The following PRELID2 variants were observed in gnomAD, a reference collection of about 807,000 sequenced individuals.
PRELID2 encodes the protein PRELI domain-containing protein 2.
A neutral mutation model predicts 28.4 loss-of-function variants in PRELID2; 25 were observed. The observed-to-expected ratio is 0.88, with a 90% CI of 0.64 to 1.23. The LOEUF (loss-of-function observed/expected upper bound fraction) is 1.23. Among genes scored for constraint, PRELID2 ranks in the 50% most tolerant of loss-of-function variants. The pLI is 0.00. For synonymous variants in PRELID2, 76 were observed against 71.6 expected (o/e 1.06, Z -0.31); for missense variants, 201 against 214.4 (o/e 0.94, Z 0.39).
At chr5:145,525,850 A>C (rs1218046980) in intron 1 of PRELID2, among the ~76,000 whole-genome samples, 6 of 152,184 alleles carry the variant, frequency 3.9e-5, no homozygotes, top group Non-Finnish European at 2.9e-5. Flanking sequence ...CTAAAAACTG[A>C]CTTGAGGCCA....
the PRELID2 span, among the ~76,000 whole-genome samples, chr5:145,330,635 T>A: frequency 6.6e-6 from 1 of 152,176 alleles, no homozygotes; most frequent in Non-Finnish European, 1.5e-5. Flanking sequence ...TTTATCATCT[T>A]TTATTTTGTC....
chr5:145,802,904 G>A (rs1290468409), intron 4 of PRELID2, among the ~76,000 whole-genome samples: 3 of 152,154 alleles, frequency 2.0e-5, no homozygotes, highest in South Asian at 2.1e-4. Flanking sequence ...CCCAGAGCAC[G>A]CAGTCACCAG....
At chr5:145,238,421 G>T in the PRELID2 span, among the ~76,000 whole-genome samples, 1 of 152,000 alleles carries the variant, frequency 6.6e-6, no homozygotes, top group Non-Finnish European at 1.5e-5. Context: ...TCGATTTCAG[G>T]ACGTTCTATG....
rs1292545163 is a variant in PRELID2 at position 145,757,801 on chromosome 5, CA to C, written c.*2734del. On this transcript the variant is annotated 3_prime_UTR_variant, in exon 7 of 7. Coordinates refer to ENST00000683046, the MANE Select transcript of PRELID2 (RefSeq NM_205846.3). ...TGATAAACATAGTGAGACCCTATCT[CA>C]AAAAAAAGTAAATGAAAAAAAAAAA... Among the ~76,000 whole-genome samples the C allele has an allele frequency of 3.3e-5, 2 of 59,910 alleles. No individual in the cohort carries two copies. Among genetic ancestry groups the C allele is most frequent in the Non-Finnish European group, 6.4e-5 (2 of 31,442 alleles). 39.3% of individuals were successfully genotyped at this position (59,910 alleles called of 152,430 possible).
the PRELID2 span, among the ~76,000 whole-genome samples, chr5:145,416,246 C>T: frequency 0.41 from 62,219 of 151,528 alleles, 13,129 homozygotes; most frequent in Admixed American, 0.48. Context: ...CCCTTCCTTA[C>T]ACCTTATACA....
At chr5:145,728,627 T>G (rs771363619) in intron 1 of PRELID2, 67 of 1,163,066 alleles carry the variant, frequency 5.8e-5, no homozygotes, top group Non-Finnish European at 8.3e-5. Flanking sequence ...CATTATAGAC[T>G]CCATAACGAA....
At chr5:145,353,293 A>C in the PRELID2 span, among the ~76,000 whole-genome samples, 110 of 151,930 alleles carry the variant, frequency 7.2e-4, no homozygotes, top group African/African-American at 2.4e-3. Flanking sequence ...TTCTACTAAA[A>C]ACACACACAC....
the PRELID2 span, among the ~76,000 whole-genome samples, chr5:145,351,011 G>A: frequency 6.6e-6 from 1 of 151,880 alleles, no homozygotes; most frequent in African/African-American, 2.4e-5. Context: ...TAAATATTTG[G>A]GATATTTAGG....
At chr5:145,648,288 G>T (rs1398566376) in intron 1 of PRELID2, among the ~76,000 whole-genome samples, 1 of 152,036 alleles carries the variant, frequency 6.6e-6, no homozygotes. Flanking sequence ...TTTTTAAAGT[G>T]GACTACAGTG....
intron 4 of PRELID2, among the ~76,000 whole-genome samples, chr5:145,802,989 G>C (rs1176097344): frequency 6.6e-6 from 1 of 152,128 alleles, no homozygotes; most frequent in Non-Finnish European, 1.5e-5. Context: ...ATTATTGACT[G>C]GTTAGGTATG....
chr5:145,769,207 TTTA>T (rs1339417407), intron 5 of PRELID2, among the ~76,000 whole-genome samples: 1 of 152,214 alleles, frequency 6.6e-6, no homozygotes, highest in Non-Finnish European at 1.5e-5. Context: ...CCAGCTTGAT[TTTA>T]TTATTTCTTT....
intron 1 of PRELID2, among the ~76,000 whole-genome samples, chr5:145,600,541 AG>A (rs548409164): frequency 8.0e-4 from 121 of 151,640 alleles, no homozygotes; most frequent in African/African-American, 2.9e-3. Context: ...TATTAAGCCA[AG>A]GACCCAAGAT....
At chr5:145,661,401 A>C (rs1295318114) in intron 1 of PRELID2, among the ~76,000 whole-genome samples, 2 of 152,126 alleles carry the variant, frequency 1.3e-5, no homozygotes, top group Non-Finnish European at 2.9e-5. Context: ...TATAAATTAG[A>C]ACAGATGTGA....
intron 1 of PRELID2, among the ~76,000 whole-genome samples, chr5:145,547,547 T>A (rs1241263897): frequency 6.6e-6 from 1 of 152,222 alleles, no homozygotes; most frequent in Non-Finnish European, 1.5e-5. Context: ...AAGTATTTAT[T>A]TCTTTTTCAG....
chr5:145,464,051 A>G, the PRELID2 span, among the ~76,000 whole-genome samples: 1 of 152,130 alleles, frequency 6.6e-6, no homozygotes, highest in African/African-American at 2.4e-5. Flanking sequence ...AAAGTCAAGT[A>G]CCCCAATGAC....
intron 4 of PRELID2, among the ~76,000 whole-genome samples, chr5:145,802,906 A>C (rs565880329): frequency 2.6e-5 from 4 of 152,332 alleles, no homozygotes; most frequent in African/African-American, 9.6e-5. Context: ...CAGAGCACGC[A>C]GTCACCAGTG....
chr5:145,700,238 T>C (rs1192805061), intron 1 of PRELID2, among the ~76,000 whole-genome samples: 1 of 151,934 alleles, frequency 6.6e-6, no homozygotes, highest in East Asian at 1.9e-4. Context: ...CCTGTAATGA[T>C]TTTAGGACCC....
the PRELID2 span, among the ~76,000 whole-genome samples, chr5:145,231,847 G>A: frequency 2.0e-5 from 3 of 152,110 alleles, no homozygotes; most frequent in African/African-American, 7.2e-5. Context: ...GTCAAACTCT[G>A]CTAAATATTC....
intron 1 of PRELID2, among the ~76,000 whole-genome samples, chr5:145,625,554 A>G (rs1753834207): frequency 6.6e-6 from 1 of 152,184 alleles, no homozygotes; most frequent in Admixed American, 6.5e-5. Context: ...TTAAATTCCA[A>G]TAAAAATCCA....
Sources: gnomAD v4.1 joint callset for allele counts (sites outside exome capture counted in the v4.1 genomes callset) on GRCh38, gnomAD v4.1.1 for gene constraint, MANE v1.5 for transcripts, NCBI Gene and HGNC (gene_info 2026-07-23, HGNC 2026-07-21) for gene names.